The following ZNF844 variants were observed in gnomAD, a reference collection of about 807,000 sequenced individuals.
ZNF844 encodes zinc finger protein 844.
In ZNF844, 11 loss-of-function variants were observed where a neutral mutation model predicts 11.4. The observed-to-expected ratio is 0.97, with a 90% CI of 0.61 to 1.60. ZNF844 has a LOEUF of 1.60. ZNF844 is among the 40% of genes most tolerant of loss of function. The pLI, the probability that ZNF844 is intolerant of heterozygous loss-of-function variation, is 0.00. For missense variants in ZNF844, 790 were observed against 796.8 expected (o/e 0.99, Z 0.10); for synonymous variants, 248 against 260.3 (o/e 0.95, Z 0.46).
At position 12,077,233 on chromosome 19, in the gene ZNF844, A is replaced by G; in HGVS notation, c.*112A>G. ...CCCTATGAGTGTAAGCAGTGTGGTA[A>G]AGCCTTCATTTCTTCCACTGCCATT... On this transcript the variant is annotated 3_prime_UTR_variant, in exon 4 of 4. Coordinates refer to ENST00000439326, the MANE Select transcript of ZNF844 (RefSeq NM_001136501.3). 1 of 1,566,798 alleles carries G rather than the reference A, an allele frequency of 6.4e-7. No individual in the cohort carries two copies. Among genetic ancestry groups the G allele is most frequent in the South Asian group, 1.1e-5 (1 of 89,492 alleles).
In ZNF844 at chr19:12,075,838, C is replaced by T; in HGVS notation, c.718C>T (p.Leu240Phe). 3 of 1,610,716 alleles carry T rather than the reference C, an allele frequency of 1.9e-6. No individual in the cohort carries two copies. The highest frequency in any genetic ancestry group is 1.1e-5 in the South Asian group (1 of 90,414). The change falls in exon 4 of 4, where the codon CTT becomes TTT. Residue 240 changes from leucine to phenylalanine, a missense_variant. By Grantham distance (22) the Leu-to-Phe change is conservative (BLOSUM62 0). Coordinates refer to ENST00000439326, the MANE Select transcript of ZNF844 (RefSeq NM_001136501.3). ...TAAAGCCTTTAGTTATTCAACTTCC[C>T]TTCAAATACATGAAAGAACTCACAC... The part of the protein sequence containing the change: ...CGKAFSYSTS[L>F]QIHERTHTGE...
chr19:12,065,086 G>A lies in ZNF844; in HGVS notation c.3+210G>A, dbSNP rs961585772. On this transcript the variant is annotated intron_variant, in intron 1 of 3. Transcript: ENST00000439326. ...GGCAGCCGGGACCCCTGGGCGCCCT[G>A]TCTCGTCGCCGCGCGGCGACTGCGG... 1.3e-4 allele frequency among the ~76,000 whole-genome samples: 20 copies of A among 151,906 alleles called. 1 individual carries two copies. The highest frequency in any genetic ancestry group is 5.9e-5 in the Non-Finnish European group (4 of 67,992).
At position 12,076,594 on chromosome 19, in the gene ZNF844, G is replaced by C. The variant is rs185145992; in HGVS notation, c.1474G>C (p.Asp492His). The C allele has an allele frequency of 6.2e-7, 1 of 1,609,230 alleles. No homozygotes were observed. ...GCCTTCATTTTTTCCACTTCCTTTCGATATCATGAAAGGACTCACACTGGA... is the reference window on the plus strand; with the variant it reads ...GCCTTCATTTTTTCCACTTCCTTTCCATATCATGAAAGGACTCACACTGGA... The part of the protein sequence containing the change: ...VKPSFFPLPF[D>H]IMKGLTLERN... Residue 492 changes from aspartate to histidine, a missense_variant, in exon 4 of 4, where the codon GAT (aspartate) becomes CAT (histidine). Coordinates refer to ENST00000439326, the MANE Select transcript of ZNF844 (RefSeq NM_001136501.3).
chr19:12,076,594 G>T lies in ZNF844; in HGVS notation c.1474G>T (p.Asp492Tyr). 1 of 1,609,230 alleles carries T rather than the reference G, an allele frequency of 6.2e-7. No individual in the cohort carries two copies. The highest frequency in any genetic ancestry group is 8.5e-7 in the Non-Finnish European group (1 of 1,178,348). ...VKPSFFPLPFDIMKGLTLERN... is the reference protein window; with the variant it reads ...VKPSFFPLPFYIMKGLTLERN... ...GCCTTCATTTTTTCCACTTCCTTTC[G>T]ATATCATGAAAGGACTCACACTGGA... The change falls in exon 4 of 4, where the codon GAT becomes TAT. Residue 492 changes from aspartate (D) to tyrosine (Y), a missense_variant. Transcript: ENST00000439326.
chr19:12,067,637 C>G (rs1975704200), intron 1 of ZNF844, among the ~76,000 whole-genome samples: 2 of 133,082 alleles, frequency 1.5e-5, no homozygotes, highest in Admixed American at 7.6e-5. Context: ...AAAAAAAAGG[C>G]CGGGCGCGGT....
chr19:12,072,162 G>A (rs550771853), intron 1 of ZNF844, among the ~76,000 whole-genome samples: 2 of 151,942 alleles, frequency 1.3e-5, no homozygotes, highest in Non-Finnish European at 2.9e-5. Context: ...CTGGGATTAC[G>A]GGCATGAGCC....
chr19:12,076,116 T>C lies in ZNF844; in HGVS notation c.996T>C (p.Ser332=). ...TTTGTAGACATGAAGTGACCCACTCTGGGAAAAAGCCCTGTGAATGTAAAC... is the reference window on the plus strand; with the variant it reads ...TTTGTAGACATGAAGTGACCCACTCCGGGAAAAAGCCCTGTGAATGTAAAC... ...SYLCRHEVTH[S]GKKPCECKQC... Residue 332 remains serine (S), a synonymous_variant, in exon 4 of 4, where the codon TCT becomes TCC. Transcript: ENST00000439326. 1.3e-6 allele frequency: 2 copies of C among 1,569,488 alleles called. No homozygotes were observed. The highest frequency in any genetic ancestry group is 1.7e-6 in the Non-Finnish European group (2 of 1,156,262).
At chr19:12,070,971 C>T (rs563938341) in intron 1 of ZNF844, among the ~76,000 whole-genome samples, 1 of 152,226 alleles carries the variant, frequency 6.6e-6, no homozygotes, top group South Asian at 2.1e-4. Context: ...TCTAAACTCT[C>T]TTATTAGGAT....
In ZNF844 at chr19:12,076,881, T is replaced by TG; in HGVS notation, c.1762dup (p.Val588GlyfsTer56). 6.4e-7 allele frequency: 1 copy of TG among 1,569,858 alleles called. No homozygotes were observed. Among genetic ancestry groups the TG allele is most frequent in the East Asian group, 2.4e-5 (1 of 41,500 alleles). On this transcript the variant is annotated frameshift_variant, in exon 4 of 4. Coordinates refer to ENST00000439326, the MANE Select transcript of ZNF844 (RefSeq NM_001136501.3). LOFTEE classifies it low-confidence loss of function (END_TRUNC). ...GCACAGAGGACAGAATGCCTATGAA[T>TG]GTAAAGAGTGTGACAAAGCATTCAT...
Position 12,077,273 on chromosome 19 carries a change from G to T in ZNF844, c.*152G>T. 2 of 1,353,670 alleles carry T rather than the reference G, an allele frequency of 1.5e-6. No homozygotes were observed. The highest frequency in any genetic ancestry group is 1.7e-5 in the Admixed American group (1 of 57,922). 83.9% of individuals were successfully genotyped at this position (1,353,670 alleles called of 1,614,324 possible). On this transcript the variant is annotated 3_prime_UTR_variant, in exon 4 of 4. Transcript: ENST00000439326. ...CCACTGCCATTCGTAGACATGAAAG[G>T]ACTCACACTGGAGAGAAACCCTATG...
At position 12,065,948 on chromosome 19, in the gene ZNF844, T is replaced by C. The variant is rs572481020; in HGVS notation, c.3+1072T>C. Among the ~76,000 whole-genome samples the C allele has an allele frequency of 1.2e-3, 181 of 152,122 alleles. 1 individual carries two copies. Among genetic ancestry groups the C allele is most frequent in the African/African-American group, 4.2e-3 (174 of 41,526 alleles). On this transcript the variant is annotated intron_variant, in intron 1 of 3. Transcript: ENST00000439326. ...CCTGGCCCGGCTAAAAATTGTTTTTTAAACAAGGTCTCACTCTGTCGCCCA... is the reference window on the plus strand; with the variant it reads ...CCTGGCCCGGCTAAAAATTGTTTTTCAAACAAGGTCTCACTCTGTCGCCCA...
chr19:12,071,256 T>C lies in ZNF844; in HGVS notation c.4-2775T>C, dbSNP rs537532063. ...GTATTTTAATTGCTTACCATTTTTT[T>C]CCACAAAGCAATAAGTGGTGGGTAT... On this transcript the variant is annotated intron_variant, in intron 1 of 3. Transcript: ENST00000439326. 6.6e-5 allele frequency among the ~76,000 whole-genome samples: 10 copies of C among 152,328 alleles called. No homozygotes were observed. The South Asian group carries it at 8.3e-4, about 13-fold the overall frequency.
rs556302546 is a variant in ZNF844, at chr19:12,078,718, A to T, written c.*1597A>T. The T allele has an allele frequency of 1.2e-4, 19 of 152,396 alleles. 2 individuals are homozygous for T. Among genetic ancestry groups the T allele is most frequent in the African/African-American group, 4.3e-4 (18 of 41,554 alleles). The allele number at this position is 152,396 out of a possible 1,614,324, so 9.4% of individuals were successfully genotyped here. On this transcript the variant is annotated 3_prime_UTR_variant, in exon 4 of 4. Transcript: ENST00000439326. The stretch of plus-strand genomic sequence containing the variant: ...CACAGTGGCATACCTGTCTTCAAAG[A>T]GGGTATAATTCACAAAAGGACTTAC...
chr19:12,065,068 G>A (rs1194268085), intron 1 of ZNF844, among the ~76,000 whole-genome samples, 192 bp downstream of exon 1: 1 of 151,960 alleles, frequency 6.6e-6, no homozygotes, highest in East Asian at 2.0e-4. Context: ...GCCGGCAGCC[G>A]GGACCCCTGG....
chr19:12,070,629 A>G (rs1259682829), intron 1 of ZNF844, among the ~76,000 whole-genome samples: 1 of 152,218 alleles, frequency 6.6e-6, no homozygotes, highest in African/African-American at 2.4e-5. Flanking sequence ...TTGCAGACAT[A>G]TGAATTAGGG....
Position 12,075,948 on chromosome 19 carries a change from T to A in ZNF844, c.828T>A (p.Thr276=), listed in dbSNP as rs1599401542. Residue 276 remains threonine (T), a synonymous_variant, in exon 4 of 4, where the codon ACT becomes ACA. Transcript: ENST00000439326. ...TTTATGAACATAGAAGAACTCACAC[T>A]GGAGAGAAGCCATATGAATGCAAAC... ...NSLYEHRRTH[T]GEKPYECKQC... The A allele has an allele frequency of 1.3e-6, 2 of 1,598,212 alleles. No individual in the cohort carries two copies. Among genetic ancestry groups the A allele is most frequent in the Non-Finnish European group, 1.7e-6 (2 of 1,172,002 alleles).
chr19:12,076,985 G>A lies in ZNF844; in HGVS notation c.1865G>A (p.Arg622His), dbSNP rs758149951. The A allele has an allele frequency of 3.7e-5, 59 of 1,599,770 alleles. No individual in the cohort carries two copies. The highest frequency in any genetic ancestry group is 2.9e-4 in the Admixed American group (17 of 58,330). The stretch of plus-strand genomic sequence containing the variant: ...ATGAATGTAAGGAATGCGGAAAAGC[G>A]TTCAATTATTTTTCTTCTTTGCGTA... ...NPMNVRNAEKRSIIFLLCVYT... is the reference protein window; with the variant it reads ...NPMNVRNAEKHSIIFLLCVYT... Residue 622 changes from arginine (R) to histidine (H), a missense_variant, in exon 4 of 4, where the codon CGT (arginine) becomes CAT (histidine). Physicochemically the swap from Arg to His is conservative, Grantham distance 29. Coordinates refer to ENST00000439326, the MANE Select transcript of ZNF844 (RefSeq NM_001136501.3).
rs965085398 is a variant in ZNF844, at chr19:12,064,767, C to T, written c.-107C>T. Reference sequence around the variant, plus strand: ...CCTCCCGCCGGGTGAGGTTGGCACCCCGTTTTTCCTGCTCTGAGAGGGACC... The same window carrying T: ...CCTCCCGCCGGGTGAGGTTGGCACCTCGTTTTTCCTGCTCTGAGAGGGACC... On this transcript the variant is annotated 5_prime_UTR_variant, in exon 1 of 4. Transcript: ENST00000439326. 23 of 1,279,866 alleles carry T rather than the reference C, an allele frequency of 1.8e-5. No homozygotes were observed. The African/African-American group carries it at 3.3e-4, about 19-fold the overall frequency. The allele number at this position is 1,279,866 out of a possible 1,614,324, so 79.3% of individuals were successfully genotyped here. A position where few individuals can be genotyped will look rare whatever the true frequency, so the allele number is the denominator to read the frequency against.
rs533784328 is a variant in ZNF844, at chr19:12,075,761, T to A, written c.641T>A (p.Ile214Lys). The change falls in exon 4 of 4, where the codon ATA (isoleucine) becomes AAA (lysine). Residue 214 changes from isoleucine (I) to lysine (K), a missense_variant. Around this residue, in one of 3 missense-constraint regions of ZNF844, gnomAD observed 657 missense variants for 636.2 expected, o/e 1.03. Transcript: ENST00000439326. ...TGCCCTTGTCTCAGCATATATCTTA[T>A]ACATGAACGAGTTCACACTGGAGAG... ...KACPCLSIYL[I>K]HERVHTGEKP... 6.2e-7 allele frequency: 1 copy of A among 1,613,706 alleles called. No homozygotes were observed. The highest frequency in any genetic ancestry group is 1.7e-5 in the Admixed American group (1 of 59,936).
Sources: allele counts gnomAD v4.1 joint callset (sites outside exome capture counted in the v4.1 genomes callset), GRCh38; gene constraint gnomAD v4.1.1; regional missense constraint gnomAD v4.1.1; transcripts MANE v1.5; gene names NCBI Gene and HGNC (gene_info 2026-07-23, HGNC 2026-07-21).